Variants in RAI2 observed in about 807,000 individuals in gnomAD.
RAI2 encodes retinoic acid-induced protein 2.
RAI2 carries 5 observed loss-of-function variants against 15.3 expected under a neutral mutation model. The observed-to-expected ratio is 0.33, with a 90% CI of 0.17 to 0.69. The LOEUF (loss-of-function observed/expected upper bound fraction) is 0.69, where lower values mean the gene tolerates loss of function less well. RAI2 is among the 30% of genes least tolerant of loss of function. RAI2 has a pLI of 0.69. For synonymous variants in RAI2, 191 were observed against 184.0 expected, an observed-to-expected ratio of 1.04 and a Z score of -0.31; for missense variants, 424 against 424.7, an observed-to-expected ratio of 1.00 and a Z score of 0.01.
intron 1 of RAI2, among the ~76,000 whole-genome samples, chrX:17,810,070 C>T (rs1299476381): frequency 9.0e-6 from 1 of 111,704 alleles, no homozygotes; most frequent in African/African-American, 3.3e-5. Context: ...CCGTGCCCGG[C>T]CCCACCCCTC....
At chrX:17,853,666 AT>A (rs573163705) in intron 1 of RAI2, among the ~76,000 whole-genome samples, 3 of 108,456 alleles carry the variant, frequency 2.8e-5, no homozygotes, top group East Asian at 2.9e-4. Context: ...TTTAACATTC[AT>A]TTTTTTTTTA....
intron 1 of RAI2, among the ~76,000 whole-genome samples, chrX:17,855,160 T>G (rs1298502162): frequency 8.9e-6 from 1 of 112,172 alleles, no homozygotes; most frequent in African/African-American, 3.2e-5. Flanking sequence ...GCAGAAATTT[T>G]ATTTATGTCC....
chrX:17,804,953 C>A (rs2066960554), intron 1 of RAI2, among the ~76,000 whole-genome samples: 1 of 113,074 alleles, frequency 8.8e-6, no homozygotes, highest in South Asian at 3.6e-4. Context: ...CGGCCTCCCT[C>A]AGGCCCCTGT....
Position 17,800,550 on chromosome X carries a change from G to C in RAI2, c.1461C>G (p.Ser487=). 8.3e-7 allele frequency: 1 copy of C among 1,210,607 alleles called. No homozygotes were observed. Among genetic ancestry groups the C allele is most frequent in the Non-Finnish European group, 1.1e-6 (1 of 894,640 alleles). The part of the protein sequence containing the change: ...GYDINSQGEE[S]MGNAEPLRKP... Reference sequence around the variant, plus strand: ...TCCTAAGGGGCTCTGCATTTCCCATGGACTCTTCCCCTTGGCTGTTGATGT... The same window carrying C: ...TCCTAAGGGGCTCTGCATTTCCCATCGACTCTTCCCCTTGGCTGTTGATGT... Residue 487 remains serine (S), a synonymous_variant, in exon 2 of 2, where the codon TCC becomes TCG. Coordinates refer to ENST00000451717, the MANE Select transcript of RAI2 (RefSeq NM_021785.6).
intron 1 of RAI2, among the ~76,000 whole-genome samples, chrX:17,821,430 C>T (rs2067163417): frequency 9.0e-6 from 1 of 110,656 alleles, no homozygotes; most frequent in African/African-American, 3.3e-5. Context: ...TGGGGAAGGG[C>T]CTGCTTTGAA....
intron 1 of RAI2, among the ~76,000 whole-genome samples, chrX:17,814,079 A>G (rs2067078661): frequency 9.0e-6 from 1 of 110,811 alleles, no homozygotes; most frequent in Admixed American, 9.6e-5. Flanking sequence ...TATTTGGGAG[A>G]AGATCCCAGA....
At chrX:17,837,385 G>C (rs970128962) in intron 1 of RAI2, among the ~76,000 whole-genome samples, 1 of 111,764 alleles carries the variant, frequency 8.9e-6, no homozygotes. Context: ...TTTTCCCAAG[G>C]TCTGAGTTCC....
At position 17,801,682 on chromosome X, in the gene RAI2, G is replaced by A; in HGVS notation, c.329C>T (p.Ala110Val). The A allele has an allele frequency of 8.3e-7, 1 of 1,211,998 alleles. No individual in the cohort carries two copies. The highest frequency in any genetic ancestry group is 1.1e-6 in the Non-Finnish European group (1 of 895,576). Residue 110 changes from alanine (A) to valine (V), a missense_variant, in exon 2 of 2, where the codon GCC becomes GTC. Coordinates refer to ENST00000451717, the MANE Select transcript of RAI2 (RefSeq NM_021785.6). ...GCCCTGGGTGGTCATGACGTAGGTG[G>A]CATTGCCATTCGGATTGAGCTCTGG... Reference protein sequence around the residue: ...SAPELNPNGNATYVMTTQGPV... With the variant: ...SAPELNPNGNVTYVMTTQGPV...
At chrX:17,857,856 G>A (rs931062056) in intron 1 of RAI2, among the ~76,000 whole-genome samples, 2 of 112,096 alleles carry the variant, frequency 1.8e-5, no homozygotes, top group African/African-American at 6.5e-5. Context: ...AGGGTATTTC[G>A]GATCTATCTA....
At chrX:17,819,607 G>A (rs920463560) in intron 1 of RAI2, among the ~76,000 whole-genome samples, 2 of 112,613 alleles carry the variant, frequency 1.8e-5, no homozygotes, top group African/African-American at 6.5e-5. Flanking sequence ...ACAGGTAAAT[G>A]CCACACCCAA....
intron 1 of RAI2, among the ~76,000 whole-genome samples, chrX:17,831,786 A>G (rs767949303): frequency 1.8e-5 from 2 of 112,305 alleles, no homozygotes; most frequent in Non-Finnish European, 3.8e-5. Flanking sequence ...AAATCTGTCT[A>G]TTTCCTTATC....
intron 1 of RAI2, among the ~76,000 whole-genome samples, chrX:17,804,995 T>C (rs1429039300): frequency 1.8e-5 from 2 of 113,074 alleles, no homozygotes; most frequent in Admixed American, 1.9e-4. Context: ...CTACAACTCA[T>C]TGAGCATCTA....
chrX:17,830,222 T>C (rs1426129740), intron 1 of RAI2, among the ~76,000 whole-genome samples: 1 of 112,442 alleles, frequency 8.9e-6, no homozygotes, highest in Non-Finnish European at 1.9e-5. Context: ...GCAAAGTGGC[T>C]TGCACACAGT....
rs761672253 is a variant in RAI2 at position 17,801,015 on chromosome X, G to C, written c.996C>G (p.Val332=). ...KSVPWLKAGE[V]SPPIFQEDAA... Reference sequence around the variant, plus strand: ...CATCTTCCTGGAAGATTGGGGGACTGACTTCACCAGCCTTGAGCCAGGGCA... The same window carrying C: ...CATCTTCCTGGAAGATTGGGGGACTCACTTCACCAGCCTTGAGCCAGGGCA... Residue 332 remains valine, a synonymous_variant, in exon 2 of 2, where the codon GTC becomes GTG. Transcript: ENST00000451717. 4 of 1,211,686 alleles carry C rather than the reference G, an allele frequency of 3.3e-6. No homozygotes were observed. The South Asian group carries it at 7.0e-5, about 21-fold the overall frequency.
intron 1 of RAI2, among the ~76,000 whole-genome samples, chrX:17,809,688 A>G (rs2067022129): frequency 9.0e-6 from 1 of 110,780 alleles, no homozygotes; most frequent in Non-Finnish European, 1.9e-5. Context: ...GGAGAAATGA[A>G]GCTCTCAGGG....
At chrX:17,839,144 C>A (rs2147263172) in intron 1 of RAI2, among the ~76,000 whole-genome samples, 1 of 112,255 alleles carries the variant, frequency 8.9e-6, no homozygotes, top group South Asian at 3.7e-4. Flanking sequence ...GCCTGCTCAC[C>A]CCAAAAGCTG....
chrX:17,803,538 A>G (rs1388563327), intron 1 of RAI2, among the ~76,000 whole-genome samples: 3 of 110,933 alleles, frequency 2.7e-5, no homozygotes, highest in Non-Finnish European at 5.7e-5. Flanking sequence ...TAAAAAAAAA[A>G]GAAAAGAAAA....
chrX:17,800,758 G>A lies in RAI2; in HGVS notation c.1253C>T (p.Pro418Leu). The change falls in exon 2 of 2, where the codon CCC (proline) becomes CTC (leucine). Residue 418 changes from proline (P) to leucine (L), a missense_variant. Physicochemically the swap from Pro to Leu is moderately conservative, Grantham distance 98. Transcript: ENST00000451717. ...ATEMLSQPNHPSGEVKAENNI... is the reference protein window; with the variant it reads ...ATEMLSQPNHLSGEVKAENNI... ...ATTTTCAGCCTTGACTTCGCCGCTG[G>A]GGTGGTTGGGCTGGCTGAGCATCTC... 2 of 1,211,831 alleles carry A rather than the reference G, an allele frequency of 1.7e-6. No homozygotes were observed. The highest frequency in any genetic ancestry group is 2.2e-6 in the Non-Finnish European group (2 of 895,571).
intron 1 of RAI2, among the ~76,000 whole-genome samples, chrX:17,828,239 C>T (rs1294619807): frequency 1.8e-5 from 2 of 110,592 alleles, no homozygotes; most frequent in Non-Finnish European, 3.8e-5. Context: ...CCATCAAAGG[C>T]AGGCCCATCT....
Sources: allele counts gnomAD v4.1 joint callset (sites outside exome capture counted in the v4.1 genomes callset), GRCh38; gene constraint gnomAD v4.1.1; transcripts MANE v1.5; gene names NCBI Gene and HGNC (gene_info 2026-07-23, HGNC 2026-07-21).